Variants in PRKD2 observed in about 807,000 individuals in gnomAD.
The protein encoded by PRKD2 is protein kinase D2, also known as serine/threonine-protein kinase D2.
PRKD2 carries 22 observed loss-of-function variants against 86.0 expected under a neutral mutation model. The observed-to-expected ratio is 0.26, with a 90% CI of 0.18 to 0.37. The LOEUF is 0.37. Ranked by LOEUF, PRKD2 falls within the 10% of genes least tolerant of loss-of-function variation. The pLI, the probability that PRKD2 is intolerant of heterozygous loss-of-function variation, is 1.00. For synonymous variants in PRKD2, 509 were observed against 510.9 expected (o/e 1.00, Z 0.05); for missense variants, 818 against 1,199.2 (o/e 0.68, Z 4.70).
intron 15 of PRKD2, among the ~76,000 whole-genome samples, chr19:46,680,914 T>A (rs1195360282): frequency 9.0e-6 from 1 of 111,526 alleles, no homozygotes; most frequent in African/African-American, 3.2e-5. Context: ...GTGCTATATG[T>A]TGGGATAAAC....
intron 3 of PRKD2, among the ~76,000 whole-genome samples, chr19:46,708,970 T>TG (rs202122674): frequency 1.0e-5 from 1 of 98,236 alleles, no homozygotes; most frequent in South Asian, 3.8e-4. Flanking sequence ...GGTTTGTTTG[T>TG]GGTTTTTTTT....
Position 46,678,800 on chromosome 19 carries a change from T to G in PRKD2, c.2071-137A>C, listed in dbSNP as rs2053252101. 1.9e-6 allele frequency: 2 copies of G among 1,050,570 alleles called. No individual in the cohort carries two copies. Among genetic ancestry groups the G allele is most frequent in the African/African-American group, 3.2e-5 (2 of 62,206 alleles). 65.1% of individuals were successfully genotyped at this position (1,050,570 alleles called of 1,614,324 possible). On this transcript the variant is annotated intron_variant, in intron 15 of 17. Transcript: ENST00000291281. The surrounding 1 kb of genome is among the most constrained non-coding windows in gnomAD (Gnocchi z 5.7). ...AATCCAGGCTCCTTGGCTCACTAGC[T>G]GAGCAACCCTGGGCAGGTGACTTCC...
intron 14 of PRKD2, among the ~76,000 whole-genome samples, chr19:46,683,166 CTTTTT>C (rs34248159): frequency 3.5e-5 from 4 of 115,488 alleles, no homozygotes; most frequent in African/African-American, 6.8e-5. Context: ...GCTTTGATTC[CTTTTT>C]TTTTTTTTTT....
At chr19:46,701,137 C>T (rs765648017) in intron 5 of PRKD2, 25 bp from the exon 6 acceptor site, 14 of 1,609,914 alleles carry the variant, frequency 8.7e-6, no homozygotes, top group African/African-American at 4.0e-5. Context: ...AACAAGGGAA[C>T]GGGTGAGAAG....
At position 46,693,334 on chromosome 19, in the gene PRKD2, T is replaced by C. The variant is rs2053509346; in HGVS notation, c.1576+541A>G. ...CCGCACAGAGGAGGCACTCAGTAAG[T>C]GCATGAGGACTTATCAGCACCTGGG... On this transcript the variant is annotated intron_variant, in intron 10 of 17. Transcript: ENST00000291281. This position sits in a 1 kb window ranked among gnomAD's most constrained non-coding sequence, Gnocchi z 4.5. 6.6e-6 allele frequency among the ~76,000 whole-genome samples: 1 copy of C among 152,192 alleles called. No homozygotes were observed. The highest frequency in any genetic ancestry group is 2.4e-5 in the African/African-American group (1 of 41,464).
In PRKD2 at chr19:46,700,945, C is replaced by T. The variant is rs766006065; in HGVS notation, c.975G>A (p.Pro325=). 1.9e-5 allele frequency: 30 copies of T among 1,614,092 alleles called. No individual in the cohort carries two copies. In the Admixed American group the frequency reaches 2.3e-4, roughly 13 times the overall value. The change falls in exon 7 of 18, where the codon CCG becomes CCA. Residue 325 remains proline (P), a synonymous_variant. Coordinates refer to ENST00000291281, the MANE Select transcript of PRKD2 (RefSeq NM_016457.5). ...LGEALINGDV[P]MEEATDFSEA... ...CGCTGAAATCGGTGGCCTCCTCCAT[C>T]GGCACATCTGTGGGGACGGAGGCAT...
In PRKD2 at chr19:46,691,629, G is replaced by A. The variant is rs114855972; in HGVS notation, c.1702+106C>T. ...GCCAATCAACATGGGAGGTGAGCAT[G>A]TGACCAATCAGAAAGGAAGGGTTGG... On this transcript the variant is annotated intron_variant, in intron 12 of 17. Coordinates refer to ENST00000291281, the MANE Select transcript of PRKD2 (RefSeq NM_016457.5). 2.3e-3 allele frequency: 2,606 copies of A among 1,123,910 alleles called. 43 individuals are homozygous for A. The African/African-American group carries it at 0.035, about 15-fold the overall frequency. The allele number at this position is 1,123,910 out of a possible 1,614,324, so 69.6% of individuals were successfully genotyped here.
intron 3 of PRKD2, among the ~76,000 whole-genome samples, chr19:46,708,442 T>C (rs565792362): frequency 2.6e-5 from 4 of 151,114 alleles, no homozygotes; most frequent in African/African-American, 9.7e-5. Flanking sequence ...CTCAGCCTCT[T>C]GAGTAGCTAG....
At chr19:46,708,536 C>T (rs1383270474) in intron 3 of PRKD2, among the ~76,000 whole-genome samples, 1 of 151,826 alleles carries the variant, frequency 6.6e-6, no homozygotes, top group Non-Finnish European at 1.5e-5. Context: ...ATGCTGGTCT[C>T]GAACTCCTGG....
chr19:46,675,433 T>A (rs2053184690), intron 16 of PRKD2, among the ~76,000 whole-genome samples: 1 of 152,176 alleles, frequency 6.6e-6, no homozygotes, highest in African/African-American at 2.4e-5. Flanking sequence ...ACCTGTACTA[T>A]TCTTTTTATT....
At chr19:46,679,924 C>T (rs1441308401) in intron 15 of PRKD2, among the ~76,000 whole-genome samples, 2 of 152,160 alleles carry the variant, frequency 1.3e-5, no homozygotes, top group Non-Finnish European at 2.9e-5. Context: ...CACACCTGGC[C>T]CCATACCCTC....
chr19:46,699,067 C>T (rs2053602026), intron 7 of PRKD2, among the ~76,000 whole-genome samples: 1 of 152,106 alleles, frequency 6.6e-6, no homozygotes, highest in Admixed American at 6.5e-5. Context: ...GCTTACCCAT[C>T]CCCTTTCTGT....
At chr19:46,714,477 T>TGGGGGGGGGGGGGGGGGGG (rs567281554) in intron 1 of PRKD2, 2 of 40,936 alleles carry the variant, frequency 4.9e-5, no homozygotes. Flanking sequence ...CCTGGGAAAG[T>TGGGGGGGGGGGGGGGGGGG]GGGGGGGGGG....
At chr19:46,680,946 A>ATATATATATATTTTT in intron 15 of PRKD2, among the ~76,000 whole-genome samples, 1 of 48,230 alleles carries the variant, frequency 2.1e-5, no homozygotes, top group African/African-American at 7.0e-5. Flanking sequence ...ATATATATAT[A>ATATATATATATTTTT]TTTTTTTTTT....
chr19:46,681,823 T>A, intron 14 of PRKD2, 75 bp from the exon 15 acceptor site: 4 of 753,056 alleles, frequency 5.3e-6, no homozygotes, highest in African/African-American at 1.8e-5. Context: ...CAGCCAGCCC[T>A]CCAAACCCAT....
chr19:46,683,899 T>C (rs756763520), intron 14 of PRKD2, among the ~76,000 whole-genome samples: 3 of 152,124 alleles, frequency 2.0e-5, no homozygotes, highest in African/African-American at 4.8e-5. Context: ...TAAATAAAGC[T>C]TCTCCTGCTG....
chr19:46,709,870 A>AT (rs200395517), intron 3 of PRKD2, among the ~76,000 whole-genome samples: 15,183 of 151,072 alleles, frequency 0.1, 918 homozygotes, highest in Non-Finnish European at 0.13. Context: ...GATAGGATGG[A>AT]TTTTTTTTTC....
chr19:46,713,750 C>T, intron 2 of PRKD2, 113 bp downstream of exon 2: 2 of 1,052,002 alleles, frequency 1.9e-6, no homozygotes, highest in Admixed American at 5.3e-5. Context: ...GGATCACAGG[C>T]GTGAGCCACT....
chr19:46,685,102 T>C (rs554309519), intron 14 of PRKD2, among the ~76,000 whole-genome samples: 192 of 151,182 alleles, frequency 1.3e-3, no homozygotes, highest in Non-Finnish European at 2.0e-3. Context: ...CTACTAAAAA[T>C]ACAAAAATTA....
Sources: gnomAD v4.1 joint callset for allele counts (sites outside exome capture counted in the v4.1 genomes callset) on GRCh38, gnomAD v4.1.1 for gene constraint, Gnocchi (gnomAD v3.1) non-coding constraint, MANE v1.5 for transcripts, NCBI Gene and HGNC (gene_info 2026-07-23, HGNC 2026-07-21) for gene names.